TNR: variants seen among roughly 807,000 people sequenced by gnomAD.
The protein encoded by TNR is tenascin R, also known as tenascin-R.
A neutral mutation model predicts 150.4 loss-of-function variants in TNR; 45 were observed. The ratio of observed to expected loss-of-function variants is 0.30; its 90% CI spans 0.24 to 0.38. The LOEUF (loss-of-function observed/expected upper bound fraction) is 0.38, where lower values mean the gene tolerates loss of function less well. Ranked by LOEUF, TNR falls within the 10% of genes least tolerant of loss-of-function variation. The pLI is 1.00. For missense variants in TNR, 1,544 were observed against 1,759.1 expected, an observed-to-expected ratio of 0.88 and a Z score of 2.19; for synonymous variants, 687 against 678.4, an observed-to-expected ratio of 1.01 and a Z score of -0.20.
intron 2 of TNR, among the ~76,000 whole-genome samples, chr1:175,526,278 C>T (rs1659845154): frequency 6.6e-6 from 1 of 152,096 alleles, no homozygotes; most frequent in Non-Finnish European, 1.5e-5. Context: ...AATAGTTGCT[C>T]AATAAAGGTT....
chr1:175,558,965 G>A (rs1661304657), intron 1 of TNR, among the ~76,000 whole-genome samples: 1 of 152,170 alleles, frequency 6.6e-6, no homozygotes, highest in African/African-American at 2.4e-5. Flanking sequence ...TATAACATAT[G>A]TGCCACTCTG....
intron 1 of TNR, among the ~76,000 whole-genome samples, chr1:175,708,663 T>C (rs1361698451): frequency 2.0e-5 from 3 of 152,164 alleles, no homozygotes; most frequent in Non-Finnish European, 4.4e-5. Flanking sequence ...TCGTCAAGAC[T>C]GGCCACTGCG....
intron 2 of TNR, among the ~76,000 whole-genome samples, chr1:175,436,391 T>A (rs1384028299): frequency 6.6e-6 from 1 of 152,238 alleles, no homozygotes; most frequent in Non-Finnish European, 1.5e-5. Flanking sequence ...ATTCATTTCA[T>A]CTTCCATCAC....
Position 175,653,856 on chromosome 1 carries a change from T to C in TNR, c.-165+89370A>G, listed in dbSNP as rs535919055. Reference sequence around the variant, plus strand: ...ACTTGAATGTGGGTTTTGTTAGTTTTTATTTAATTTCTAAATTTTCCTTTG... The same window carrying C: ...ACTTGAATGTGGGTTTTGTTAGTTTCTATTTAATTTCTAAATTTTCCTTTG... On this transcript the variant is annotated intron_variant, in intron 1 of 22. Transcript: ENST00000367674. 7.9e-5 allele frequency among the ~76,000 whole-genome samples: 12 copies of C among 152,350 alleles called. No individual in the cohort carries two copies. The South Asian group carries it at 2.5e-3, about 32-fold the overall frequency.
chr1:175,614,313 T>TG (rs1663695031), intron 1 of TNR, among the ~76,000 whole-genome samples: 1 of 152,152 alleles, frequency 6.6e-6, no homozygotes, highest in Non-Finnish European at 1.5e-5. Flanking sequence ...TATTGACACA[T>TG]GGGCTTTAAG....
At chr1:175,343,917 G>A (rs1264212891) in intron 18 of TNR, among the ~76,000 whole-genome samples, 1 of 152,206 alleles carries the variant, frequency 6.6e-6, no homozygotes, top group East Asian at 1.9e-4. Flanking sequence ...CAGGCCTCGA[G>A]TACAAGATGT....
rs1648805197 is a variant in TNR, at chr1:175,315,374, T to C, written c.*7983A>G. The C allele has an allele frequency of 6.6e-6, 1 of 152,242 alleles. No homozygotes were observed. 9.4% of individuals were successfully genotyped at this position (152,242 alleles called of 1,614,324 possible). ...AGTTGGTTTTTCCTCTCCCTTCCTC[T>C]GTACATTTTTATTTTTATTTTAGCT... is the stretch of plus-strand genomic sequence containing the variant. On this transcript the variant is annotated 3_prime_UTR_variant, in exon 23 of 23. Coordinates refer to ENST00000367674, the MANE Select transcript of TNR (RefSeq NM_003285.3).
At chr1:175,538,031 T>A (rs1005824589) in intron 1 of TNR, among the ~76,000 whole-genome samples, 1 of 152,168 alleles carries the variant, frequency 6.6e-6, no homozygotes, top group African/African-American at 2.4e-5. Flanking sequence ...GTAGAGTATT[T>A]AAGAAACCTG....
Position 175,406,794 on chromosome 1 carries a change from G to T in TNR, c.-63-17C>A. The T allele has an allele frequency of 1.3e-6, 2 of 1,550,576 alleles. No individual in the cohort carries two copies. ...TGTGGGAATCTGCAACGGAAACCAA[G>T]GAAAGAGACAACCTCTGAGACCTAT... is the stretch of plus-strand genomic sequence containing the variant. On this transcript the variant is annotated splice_polypyrimidine_tract_variant and intron_variant, in intron 2 of 22. Transcript: ENST00000367674.
intron 2 of TNR, among the ~76,000 whole-genome samples, chr1:175,456,208 CT>C (rs778458405): frequency 1.3e-4 from 20 of 152,154 alleles, no homozygotes; most frequent in Non-Finnish European, 2.8e-4. Flanking sequence ...GGTGCTCTTG[CT>C]TTGGAAGGTC....
intron 2 of TNR, among the ~76,000 whole-genome samples, chr1:175,419,338 C>T (rs1460768628): frequency 1.3e-5 from 2 of 152,118 alleles, no homozygotes; most frequent in Admixed American, 6.5e-5. Context: ...CATGCAGCTG[C>T]CTTTCTGACA....
Position 175,396,786 on chromosome 1 carries a change from C to A in TNR, c.998G>T (p.Arg333Leu), listed in dbSNP as rs776885692. The A allele has an allele frequency of 3.1e-6, 5 of 1,613,870 alleles. No individual in the cohort carries two copies. The highest frequency in any genetic ancestry group is 8.5e-7 in the Non-Finnish European group (1 of 1,179,784). Residue 333 changes from arginine (R) to leucine (L), a missense_variant, in exon 5 of 23, where the codon CGA becomes CTA. This residue lies in a region of TNR where 1,254 missense variants were observed against 1,329.4 expected (regional missense o/e 0.94). Transcript: ENST00000367674. ...CSAVAPPEDL[R>L]VAGISDRSIE... ...GGACCTGTCGCTGATACCAGCCACT[C>A]GCAAGTCCTCTGGAGGGGCAACTAC...
At chr1:175,491,155 T>G (rs575119553) in intron 2 of TNR, among the ~76,000 whole-genome samples, 1 of 151,162 alleles carries the variant, frequency 6.6e-6, no homozygotes, top group East Asian at 2.0e-4. Flanking sequence ...CACTTATAAG[T>G]GGGAGCTGAA....
rs1653966527 is a variant in TNR at position 175,406,436 on chromosome 1, T to C, written c.279A>G (p.Ala93=). The C allele has an allele frequency of 6.2e-7, 1 of 1,614,198 alleles. No homozygotes were observed. Among genetic ancestry groups the C allele is most frequent in the Non-Finnish European group, 8.5e-7 (1 of 1,180,026 alleles). The part of the protein sequence containing the change: ...LEASAEQEVS[A]EDETLAEYMG... The stretch of plus-strand genomic sequence containing the variant: ...TGTACTCTGCCAGAGTCTCGTCTTC[T>C]GCACTCACCTCCTGCTCAGCAGAGG... The change falls in exon 3 of 23, where the codon GCA becomes GCG. Residue 93 remains alanine (A), a synonymous_variant. Transcript: ENST00000367674.
chr1:175,616,523 G>C (rs1434250900), intron 1 of TNR, among the ~76,000 whole-genome samples: 1 of 152,144 alleles, frequency 6.6e-6, no homozygotes, highest in Non-Finnish European at 1.5e-5. Context: ...GTTTCTCCCT[G>C]TTGCAGGATG....
At chr1:175,631,672 A>G (rs1287045688) in intron 1 of TNR, among the ~76,000 whole-genome samples, 1 of 152,112 alleles carries the variant, frequency 6.6e-6, no homozygotes, top group Non-Finnish European at 1.5e-5. Context: ...AGACAGAAAA[A>G]TATATGCATG....
chr1:175,524,072 C>T (rs1286217406), intron 2 of TNR, among the ~76,000 whole-genome samples: 2 of 152,034 alleles, frequency 1.3e-5, no homozygotes, highest in African/African-American at 2.4e-5. Context: ...CCTTGCTGCC[C>T]CCTCCCCCAA....
intron 1 of TNR, among the ~76,000 whole-genome samples, chr1:175,641,671 G>A (rs138517291): frequency 4.1e-4 from 62 of 152,192 alleles, no homozygotes; most frequent in Admixed American, 9.8e-4. Context: ...TCTGACACTG[G>A]AATAAAAAAG....
At chr1:175,704,450 A>G (rs1222719969) in intron 1 of TNR, among the ~76,000 whole-genome samples, 3 of 152,158 alleles carry the variant, frequency 2.0e-5, no homozygotes, top group Admixed American at 2.0e-4. Context: ...AGAGAAGGAT[A>G]GTCTGGAAAA....
Sources: allele counts gnomAD v4.1 joint callset (sites outside exome capture counted in the v4.1 genomes callset), GRCh38; gene constraint gnomAD v4.1.1; regional missense constraint gnomAD v4.1.1; transcripts MANE v1.5; gene names NCBI Gene and HGNC (gene_info 2026-07-23, HGNC 2026-07-21).